The following AKAP19 variants were observed in gnomAD, a reference collection of about 807,000 sequenced individuals.
AKAP19 encodes small A-kinase anchoring protein.
the AKAP19 span, among the ~76,000 whole-genome samples, chr2:190,157,289 A>G: frequency 6.6e-6 from 1 of 151,918 alleles, no homozygotes; most frequent in Non-Finnish European, 1.5e-5. Context: ...ATTGTTCATC[A>G]GTATGAAAAT....
At chr2:190,092,875 A>G in the AKAP19 span, among the ~76,000 whole-genome samples, 79 of 152,330 alleles carry the variant, frequency 5.2e-4, no homozygotes, top group African/African-American at 1.9e-3. Flanking sequence ...TATTAAAACT[A>G]GAGTTCTACT....
the AKAP19 span, among the ~76,000 whole-genome samples, chr2:189,944,558 A>AAT: frequency 6.6e-6 from 1 of 152,184 alleles, no homozygotes; most frequent in African/African-American, 2.4e-5. Context: ...AGGATATAAT[A>AAT]ATATATATGC....
At chr2:189,930,864 A>T in the AKAP19 span, 1 of 738,234 alleles carries the variant, frequency 1.4e-6, no homozygotes, top group Non-Finnish European at 2.5e-6. Flanking sequence ...TAGGTGTTGG[A>T]TGGTAGACTG....
At chr2:190,115,912 G>A in the AKAP19 span, among the ~76,000 whole-genome samples, 1 of 152,142 alleles carries the variant, frequency 6.6e-6, no homozygotes, top group Non-Finnish European at 1.5e-5. Flanking sequence ...GTCTTCCTGA[G>A]ATGAAAGTAA....
chr2:190,166,584 G>T, the AKAP19 span, among the ~76,000 whole-genome samples: 1 of 151,804 alleles, frequency 6.6e-6, no homozygotes, highest in Admixed American at 6.6e-5. Context: ...AACCAAGTTT[G>T]GTTTATTCTA....
the AKAP19 span, among the ~76,000 whole-genome samples, chr2:189,984,382 C>T: frequency 1.4e-3 from 213 of 152,280 alleles, no homozygotes; most frequent in African/African-American, 5.0e-3. Flanking sequence ...CTCCCATTTG[C>T]TTTTGAAAGA....
chr2:190,120,567 C>A, the AKAP19 span, among the ~76,000 whole-genome samples: 1 of 152,172 alleles, frequency 6.6e-6, no homozygotes, highest in Non-Finnish European at 1.5e-5. Flanking sequence ...AGGCTGGAAC[C>A]ACTCAAACTA....
the AKAP19 span, among the ~76,000 whole-genome samples, chr2:190,095,153 C>G: frequency 6.6e-6 from 1 of 151,918 alleles, no homozygotes; most frequent in Non-Finnish European, 1.5e-5. Flanking sequence ...AACCAGGAGG[C>G]GGAGGTTACA....
chr2:190,180,352 A>C, the AKAP19 span: 15 of 602,100 alleles, frequency 2.5e-5, no homozygotes, highest in Non-Finnish European at 2.7e-5. This position sits in a 1 kb window ranked among gnomAD's most constrained non-coding sequence, Gnocchi z 6.8. Context: ...TGTTGTCCCA[A>C]GGCAGGCCCC....
the AKAP19 span, chr2:189,917,606 G>T: frequency 2.6e-6 from 1 of 382,074 alleles, no homozygotes; most frequent in South Asian, 3.5e-5. Context: ...ACTTAGATAA[G>T]AAAAGATTCT....
chr2:190,005,385 A>G, the AKAP19 span, among the ~76,000 whole-genome samples: 2 of 152,132 alleles, frequency 1.3e-5, no homozygotes, highest in South Asian at 2.1e-4. Context: ...TGATGCATTT[A>G]CAATCCTTTA....
the AKAP19 span, among the ~76,000 whole-genome samples, chr2:190,192,324 A>G: frequency 6.6e-6 from 1 of 152,004 alleles, no homozygotes; most frequent in Non-Finnish European, 1.5e-5. Flanking sequence ...CCTTTTGTCA[A>G]TATAGCACTA....
chr2:189,892,240 C>T, the AKAP19 span, among the ~76,000 whole-genome samples: 236 of 152,108 alleles, frequency 1.6e-3, 2 homozygotes, highest in African/African-American at 5.4e-3. Flanking sequence ...TCCATCAATT[C>T]GTCAAACTCA....
At chr2:189,899,032 C>T in the AKAP19 span, among the ~76,000 whole-genome samples, 4 of 152,022 alleles carry the variant, frequency 2.6e-5, no homozygotes, top group African/African-American at 4.8e-5. Context: ...TAAAATAAGC[C>T]TTGTTCTTTC....
the AKAP19 span, among the ~76,000 whole-genome samples, chr2:190,156,774 G>A: frequency 6.6e-6 from 1 of 152,118 alleles, no homozygotes; most frequent in Non-Finnish European, 1.5e-5. Context: ...GAAAAGGTTT[G>A]GGGAGAAGAG....
the AKAP19 span, among the ~76,000 whole-genome samples, chr2:190,083,784 C>A: frequency 6.6e-6 from 1 of 152,172 alleles, no homozygotes; most frequent in Non-Finnish European, 1.5e-5. Flanking sequence ...AGTGGGATGT[C>A]ACTGCTGCCT....
the AKAP19 span, among the ~76,000 whole-genome samples, chr2:190,006,610 G>A: frequency 1.0e-4 from 15 of 145,348 alleles, no homozygotes; most frequent in African/African-American, 3.9e-4. Context: ...CTGCACTACC[G>A]CCTGGGCGAC....
the AKAP19 span, among the ~76,000 whole-genome samples, chr2:190,070,270 A>G: frequency 1.3e-5 from 2 of 152,106 alleles, no homozygotes; most frequent in Admixed American, 6.6e-5. Flanking sequence ...GTGTTTTGTT[A>G]TATAACATCA....
At chr2:189,988,030 G>A in the AKAP19 span, among the ~76,000 whole-genome samples, 3 of 152,102 alleles carry the variant, frequency 2.0e-5, no homozygotes, top group Non-Finnish European at 4.4e-5. Context: ...AGTGAATTGA[G>A]AGTGCTGATT....
Sources: gnomAD v4.1 joint callset for allele counts (sites outside exome capture counted in the v4.1 genomes callset) on GRCh38, gnomAD v4.1.1 for gene constraint, Gnocchi (gnomAD v3.1) non-coding constraint, MANE v1.5 for transcripts, NCBI Gene and HGNC (gene_info 2026-07-23, HGNC 2026-07-21) for gene names.